RYR1: variants seen among roughly 807,000 people sequenced by gnomAD.
RYR1 encodes the protein central core disease of muscle.
RYR1 carries 342 observed loss-of-function variants against 583.5 expected under a neutral mutation model. That is an observed-to-expected ratio of 0.59 (90% CI 0.54 to 0.64). The LOEUF is 0.64. Among genes scored for constraint, RYR1 ranks in the 30% least tolerant of loss-of-function variants. RYR1 has a pLI of 0.00. For missense variants in RYR1, 6,032 were observed against 6,917.2 expected (o/e 0.87, Z 4.54); for synonymous variants, 2,791 against 2,822.5 (o/e 0.99, Z 0.35).
chr19:38,505,868 G>A lies in RYR1; in HGVS notation c.8463G>A (p.Trp2821Ter), dbSNP rs1057518773. The A allele has an allele frequency of 6.2e-7, 1 of 1,614,176 alleles. No homozygotes were observed. The highest frequency in any genetic ancestry group is 8.5e-7 in the Non-Finnish European group (1 of 1,180,040). ...TGAAGGCCATGATTGCCTGGGAATG[G>A]ACGATAGAGAAGGCCAGGGAGGGTG... ...ESLKAMIAWEWTIEKAREGEE... is the reference protein window; with the variant it reads ...ESLKAMIAWE The change falls in exon 54 of 106, where the codon TGG (tryptophan) becomes TGA (stop). Residue 2821 changes from tryptophan (W) to a stop codon, truncating the protein, a stop_gained. Coordinates refer to ENST00000359596, the MANE Select transcript of RYR1 (RefSeq NM_000540.3). LOFTEE classifies it high-confidence loss of function.
chr19:38,461,736 AAAAAGAAAGGG>A (rs1967758472), intron 20 of RYR1, among the ~76,000 whole-genome samples: 1 of 142,400 alleles, frequency 7.0e-6, no homozygotes. Context: ...AAAAAAAAAA[AAAAAGAAAGGG>A]AGAGAGAGAG....
intron 93 of RYR1, among the ~76,000 whole-genome samples, chr19:38,568,247 C>T (rs1030786775): frequency 5.9e-5 from 9 of 152,190 alleles, no homozygotes; most frequent in Non-Finnish European, 8.8e-5. Flanking sequence ...GCCTTCCCAC[C>T]GTGGCCTGTT....
At chr19:38,582,092 G>A (rs1006201240) in intron 101 of RYR1, among the ~76,000 whole-genome samples, 2 of 152,106 alleles carry the variant, frequency 1.3e-5, no homozygotes, top group South Asian at 2.1e-4. Flanking sequence ...CCTGGCTATC[G>A]AAGACTTAAA....
intron 88 of RYR1, 110 bp downstream of exon 88, chr19:38,546,636 G>A (rs115019209): frequency 0.034 from 29,441 of 857,954 alleles, 615 homozygotes; most frequent in African/African-American, 0.042. Flanking sequence ...CTGACATCGT[G>A]TCAGGATCCA....
chr19:38,485,107 C>G (rs1223566636), intron 33 of RYR1, among the ~76,000 whole-genome samples: 1 of 152,166 alleles, frequency 6.6e-6, no homozygotes, highest in Non-Finnish European at 1.5e-5. Flanking sequence ...TCTAATGGCA[C>G]TCAAACACAA....
intron 52 of RYR1, 79 bp downstream of exon 52, chr19:38,505,160 C>G: frequency 7.2e-7 from 1 of 1,379,602 alleles, no homozygotes; most frequent in Non-Finnish European, 1.0e-6. Context: ...CCTGAGGCCC[C>G]AGATCTCCCT....
chr19:38,527,264 A>G (rs1299499369), intron 72 of RYR1, among the ~76,000 whole-genome samples: 1 of 152,152 alleles, frequency 6.6e-6, no homozygotes, highest in African/African-American at 2.4e-5. Context: ...TAATCCCAAC[A>G]CTTTGGAAGG....
At chr19:38,485,494 T>A in intron 33 of RYR1, 96 bp from the exon 34 acceptor site, 1 of 1,494,582 alleles carries the variant, frequency 6.7e-7, no homozygotes, top group Non-Finnish European at 9.2e-7. Context: ...AATAAATGGG[T>A]GGATAGTGAT....
At chr19:38,511,722 C>T in intron 61 of RYR1, 112 bp downstream of exon 61, 1 of 1,310,414 alleles carries the variant, frequency 7.6e-7, no homozygotes, top group South Asian at 1.2e-5. Context: ...TTTTCTTCCC[C>T]TGGACCTGGA....
intron 51 of RYR1, 29 bp downstream of exon 51, chr19:38,504,940 G>A: frequency 6.2e-7 from 1 of 1,614,126 alleles, no homozygotes; most frequent in South Asian, 1.1e-5. Context: ...GAGACAGAGA[G>A]GAAGATTTCA....
intron 89 of RYR1, among the ~76,000 whole-genome samples, chr19:38,558,962 G>A (rs1173022762): frequency 2.0e-5 from 3 of 151,868 alleles, no homozygotes; most frequent in Non-Finnish European, 2.9e-5. Flanking sequence ...GGTGGCACAC[G>A]CCTGTAGTCC....
In RYR1 at chr19:38,565,790, T is replaced by A. The variant is rs892093364; in HGVS notation, c.13437+19T>A. On this transcript the variant is annotated intron_variant, in intron 91 of 105. Coordinates refer to ENST00000359596, the MANE Select transcript of RYR1 (RefSeq NM_000540.3). The surrounding 1 kb of genome is among the most constrained non-coding windows in gnomAD (Gnocchi z 4.7). ...ATTGGGGGTGAGAGAGCAGGCGGGGTTTTGGGGTTTTGGAAAGATGGGGGA... is the reference window on the plus strand; with the variant it reads ...ATTGGGGGTGAGAGAGCAGGCGGGGATTTGGGGTTTTGGAAAGATGGGGGA... 2.9e-6 allele frequency: 4 copies of A among 1,368,700 alleles called. No homozygotes were observed. Among genetic ancestry groups the A allele is most frequent in the East Asian group, 6.1e-5 (2 of 32,988 alleles). The allele number at this position is 1,368,700 out of a possible 1,614,324, so 84.8% of individuals were successfully genotyped here.
chr19:38,464,245 C>G (rs1237556769), intron 22 of RYR1, among the ~76,000 whole-genome samples: 5 of 129,918 alleles, frequency 3.8e-5, no homozygotes, highest in Admixed American at 3.6e-4. Flanking sequence ...CTACTGCACT[C>G]CAGCCTGGGC....
At chr19:38,507,580 G>C (rs1970530088) in intron 57 of RYR1, 132 bp from the exon 58 acceptor site, 2 of 721,680 alleles carry the variant, frequency 2.8e-6, no homozygotes, top group Admixed American at 4.0e-5. Context: ...GGGACTCAGA[G>C]TGGAGCCCCA....
rs1395096712 is a variant in RYR1 at position 38,485,821 on chromosome 19, C to T, written c.5166C>T (p.Ala1722=). The T allele has an allele frequency of 1.2e-6, 2 of 1,613,560 alleles. No homozygotes were observed. The highest frequency in any genetic ancestry group is 1.1e-5 in the South Asian group (1 of 91,092). ...TCATCAGCATCCACCTCGAAAGTGCCTGCCGCAGCCGCCGCTCCATGCTCT... is the reference window on the plus strand; with the variant it reads ...TCATCAGCATCCACCTCGAAAGTGCTTGCCGCAGCCGCCGCTCCATGCTCT... ...DLLISIHLES[A]CRSRRSMLSE... is the part of the protein sequence containing the mutation. Residue 1722 remains alanine (A), a synonymous_variant, in exon 34 of 106, where the codon GCC becomes GCT. Transcript: ENST00000359596.
At chr19:38,443,145 C>G (rs1437689518) in intron 3 of RYR1, among the ~76,000 whole-genome samples, 1 of 152,164 alleles carries the variant, frequency 6.6e-6, no homozygotes, top group African/African-American at 2.4e-5. Context: ...AGGCCTGTCC[C>G]AGAGCACACG....
rs2145604139 is a variant in RYR1 at position 38,500,455 on chromosome 19, C to A, written c.7324-151C>A. On this transcript the variant is annotated intron_variant, in intron 45 of 105. Coordinates refer to ENST00000359596, the MANE Select transcript of RYR1 (RefSeq NM_000540.3). The surrounding 1 kb of genome is among the most constrained non-coding windows in gnomAD (Gnocchi z 5.9). ...AGGTCGGGACTGGGGTGGGGGGGCACAGGCAGAGGAACGAGGGCTGGAAAC... is the reference window on the plus strand; with the variant it reads ...AGGTCGGGACTGGGGTGGGGGGGCAAAGGCAGAGGAACGAGGGCTGGAAAC... 1 of 1,123,218 alleles carries A rather than the reference C, an allele frequency of 8.9e-7. No homozygotes were observed. The highest frequency in any genetic ancestry group is 1.3e-6 in the Non-Finnish European group (1 of 772,808). The allele number at this position is 1,123,218 out of a possible 1,614,324, so 69.6% of individuals were successfully genotyped here.
chr19:38,536,947 C>T, intron 83 of RYR1, 180 bp downstream of exon 83: 1 of 651,600 alleles, frequency 1.5e-6, no homozygotes, highest in Non-Finnish European at 2.8e-6. Flanking sequence ...TGATTCAGGT[C>T]CCAGATCAGC....
chr19:38,530,624 G>GGGCA (rs1971690545), intron 76 of RYR1, among the ~76,000 whole-genome samples: 1 of 151,896 alleles, frequency 6.6e-6, no homozygotes, highest in Admixed American at 6.6e-5. Context: ...TTCAGGACTG[G>GGGCA]GCAGTGGCAC....
Sources: gnomAD v4.1 joint callset for allele counts (sites outside exome capture counted in the v4.1 genomes callset) on GRCh38, gnomAD v4.1.1 for gene constraint, Gnocchi (gnomAD v3.1) non-coding constraint, MANE v1.5 for transcripts, NCBI Gene and HGNC (gene_info 2026-07-23, HGNC 2026-07-21) for gene names.